Variants in MAST4 observed in about 807,000 individuals in gnomAD.
MAST4 encodes the protein microtubule-associated serine/threonine-protein kinase 4.
MAST4 carries 89 observed loss-of-function variants against 162.7 expected under a neutral mutation model. The ratio of observed to expected loss-of-function variants is 0.55; its 90% confidence interval spans 0.46 to 0.65. The LOEUF is 0.65. MAST4 is among the 30% of genes least tolerant of loss of function. MAST4 has a pLI of 0.00. For synonymous variants in MAST4, 1,479 were observed against 1,361.1 expected, an observed-to-expected ratio of 1.09 and a Z score of -1.91; for missense variants, 3,153 against 3,374.0, an observed-to-expected ratio of 0.93 and a Z score of 1.62.
At chr5:67,045,503 A>C (rs1757256826) in intron 4 of MAST4, among the ~76,000 whole-genome samples, 2 of 152,230 alleles carry the variant, frequency 1.3e-5, no homozygotes, top group South Asian at 4.1e-4. Flanking sequence ...ACACTTATAC[A>C]CAGTGTAACA....
At chr5:66,987,259 C>T (rs772043509) in intron 4 of MAST4, among the ~76,000 whole-genome samples, 3 of 152,054 alleles carry the variant, frequency 2.0e-5, no homozygotes, top group African/African-American at 2.4e-5. Flanking sequence ...AAAAAGGAGT[C>T]ACACTTTTAC....
chr5:66,823,836 A>G (rs1294801038), intron 3 of MAST4, among the ~76,000 whole-genome samples: 8 of 152,144 alleles, frequency 5.3e-5, no homozygotes. Flanking sequence ...ATGTGGGAAA[A>G]TAAAGTACAA....
intron 3 of MAST4, among the ~76,000 whole-genome samples, chr5:66,860,786 A>C (rs1394021479): frequency 1.4e-5 from 2 of 143,864 alleles, no homozygotes; most frequent in Non-Finnish European, 3.1e-5. Flanking sequence ...AAAAAAAAAA[A>C]CAAACAAACC....
chr5:67,139,405 C>T (rs1017097185), intron 19 of MAST4, among the ~76,000 whole-genome samples: 4 of 152,186 alleles, frequency 2.6e-5, no homozygotes, highest in Admixed American at 2.6e-4. Flanking sequence ...GCATAACTTG[C>T]AATTTGGGAG....
chr5:66,726,238 G>A (rs1751510009), intron 1 of MAST4, among the ~76,000 whole-genome samples: 1 of 152,086 alleles, frequency 6.6e-6, no homozygotes, highest in African/African-American at 2.4e-5. Flanking sequence ...TTCTTGCCTA[G>A]TGGAAGTGGC....
chr5:66,638,769 A>T (rs1001483604), intron 1 of MAST4, among the ~76,000 whole-genome samples: 1 of 152,148 alleles, frequency 6.6e-6, no homozygotes, highest in African/African-American at 2.4e-5. Flanking sequence ...TTATTTTCTT[A>T]CACTTGTACT....
intron 23 of MAST4, among the ~76,000 whole-genome samples, chr5:67,146,969 CA>C (rs142717201): frequency 0.016 from 2,371 of 152,216 alleles, 37 homozygotes; most frequent in South Asian, 0.03. Flanking sequence ...TATTCACCTC[CA>C]TTTAAAATTT....
intron 5 of MAST4, among the ~76,000 whole-genome samples, chr5:67,057,692 A>T (rs914973444): frequency 7.2e-5 from 11 of 152,004 alleles, no homozygotes; most frequent in African/African-American, 2.7e-4. Flanking sequence ...AATAATCCAG[A>T]AGTCTCAAAG....
At position 66,901,150 on chromosome 5, in the gene MAST4, A is replaced by G. The variant is rs1464310538; in HGVS notation, c.674+1168A>G. ...TTCCCATCATGATGAGACAAAAGAAAAATAGAAAACTACATGAAATACTTT... is the reference window on the plus strand; with the variant it reads ...TTCCCATCATGATGAGACAAAAGAAGAATAGAAAACTACATGAAATACTTT... On this transcript the variant is annotated intron_variant, in intron 4 of 28. Transcript: ENST00000403625. Among the ~76,000 whole-genome samples the G allele has an allele frequency of 2.0e-5, 3 of 152,168 alleles. No homozygotes were observed. The East Asian group carries it at 5.8e-4, about 29-fold the overall frequency.
At chr5:66,899,770 T>C (rs1431180063) in intron 3 of MAST4, among the ~76,000 whole-genome samples, 181 bp from the exon 4 acceptor site, 1 of 152,150 alleles carries the variant, frequency 6.6e-6, no homozygotes, top group Non-Finnish European at 1.5e-5. Flanking sequence ...AAACACAGTG[T>C]GTAAAGAGAA....
intron 3 of MAST4, among the ~76,000 whole-genome samples, chr5:66,863,664 T>C (rs1257254317): frequency 6.6e-6 from 1 of 152,134 alleles, no homozygotes; most frequent in African/African-American, 2.4e-5. Context: ...CTCTGGTGTC[T>C]GGTTGGGTTC....
At chr5:66,674,237 T>C (rs2149476845) in intron 1 of MAST4, among the ~76,000 whole-genome samples, 1 of 152,306 alleles carries the variant, frequency 6.6e-6, no homozygotes, top group Middle Eastern at 3.4e-3. Flanking sequence ...TAAAGTGTGA[T>C]GACTAAGTTT....
intron 3 of MAST4, among the ~76,000 whole-genome samples, chr5:66,838,406 A>G (rs1580598684): frequency 6.6e-6 from 1 of 152,160 alleles, no homozygotes; most frequent in East Asian, 1.9e-4. Context: ...TTTAATGATA[A>G]TAATAGCATA....
chr5:67,050,088 C>T (rs1757982636), intron 4 of MAST4, among the ~76,000 whole-genome samples: 1 of 152,194 alleles, frequency 6.6e-6, no homozygotes, highest in Non-Finnish European at 1.5e-5. Flanking sequence ...CTGCCTCCAG[C>T]TTAGTAGCCC....
chr5:66,724,466 G>T (rs1751398403), intron 1 of MAST4, among the ~76,000 whole-genome samples: 1 of 152,252 alleles, frequency 6.6e-6, no homozygotes, highest in East Asian at 1.9e-4. Context: ...ACAGGGGAGT[G>T]TATTTATGTA....
At chr5:67,049,000 TAC>T (rs1554087344) in intron 4 of MAST4, among the ~76,000 whole-genome samples, 34 of 124,740 alleles carry the variant, frequency 2.7e-4, no homozygotes, top group African/African-American at 9.2e-4. Flanking sequence ...TATATATATA[TAC>T]ACACACATAT....
intron 3 of MAST4, among the ~76,000 whole-genome samples, chr5:66,837,848 C>G (rs1758085837): frequency 7.5e-6 from 1 of 132,906 alleles, no homozygotes; most frequent in Non-Finnish European, 1.5e-5. Context: ...TATCAAGTCT[C>G]AAGTGAGACT....
At chr5:66,904,952 C>G (rs970556351) in intron 4 of MAST4, among the ~76,000 whole-genome samples, 1 of 151,936 alleles carries the variant, frequency 6.6e-6, no homozygotes, top group Non-Finnish European at 1.5e-5. Context: ...ACCTAGTAGA[C>G]CCCGGTGTCT....
intron 4 of MAST4, among the ~76,000 whole-genome samples, chr5:67,016,531 GA>G (rs1399069928): frequency 6.6e-6 from 1 of 152,134 alleles, no homozygotes; most frequent in Non-Finnish European, 1.5e-5. Flanking sequence ...GGAAGAGAGT[GA>G]AAAATAGAAG....
Sources: gnomAD v4.1 joint callset for allele counts (sites outside exome capture counted in the v4.1 genomes callset) on GRCh38, gnomAD v4.1.1 for gene constraint, MANE v1.5 for transcripts, NCBI Gene and HGNC (gene_info 2026-07-23, HGNC 2026-07-21) for gene names.